Variants in CHERP observed in about 807,000 individuals in gnomAD.
The protein encoded by CHERP is calcium homeostasis endoplasmic reticulum protein, also known as ERPROT 213-21.
In CHERP, 8 loss-of-function variants were observed where a neutral mutation model predicts 113.8. That is an observed-to-expected ratio of 0.07 (90% CI 0.04 to 0.13). The LOEUF (loss-of-function observed/expected upper bound fraction) is 0.13. Among genes scored for constraint, CHERP ranks in the 10% least tolerant of loss-of-function variants. CHERP has a pLI of 1.00. For synonymous variants in CHERP, 559 were observed against 524.5 expected (o/e 1.07, Z -0.90); for missense variants, 884 against 1,298.2 (o/e 0.68, Z 4.90).
Position 16,519,885 on chromosome 19 carries a change from G to A in CHERP, c.2463-170C>T, listed in dbSNP as rs1183013051. The A allele has an allele frequency of 1.2e-5, 8 of 686,108 alleles. No homozygotes were observed. The highest frequency in any genetic ancestry group is 1.8e-5 in the African/African-American group (1 of 56,244). The allele number at this position is 686,108 out of a possible 1,614,324, so 42.5% of individuals were successfully genotyped here. ...TTATCCTGTCTCAGCTAGATAAGGG[G>A]GCTCCAGACGCTGGCCCCCACCCCA... On this transcript the variant is annotated intron_variant, in intron 15 of 16. Coordinates refer to ENST00000546361, the MANE Select transcript of CHERP (RefSeq NM_006387.6). The surrounding 1 kb of genome is among the most constrained non-coding windows in gnomAD (Gnocchi z 6.0).
At chr19:16,521,473 A>T in intron 12 of CHERP, 48 bp downstream of exon 12, 1 of 1,485,044 alleles carries the variant, frequency 6.7e-7, no homozygotes, top group South Asian at 1.3e-5. Context: ...GGGAGCCGGG[A>T]GAGGGGACAG....
At position 16,535,726 on chromosome 19, in the gene CHERP, C is replaced by T; in HGVS notation, c.200-90G>A. 1 of 1,262,780 alleles carries T rather than the reference C, an allele frequency of 7.9e-7. No homozygotes were observed. The highest frequency in any genetic ancestry group is 1.5e-5 in the South Asian group (1 of 64,768). 78.2% of individuals were successfully genotyped at this position (1,262,780 alleles called of 1,614,324 possible). Reference sequence around the variant, plus strand: ...CACCTCTCAGCCACAGGGGCCTCCCCCTCCCCAGGGACTCACCATCCACGA... The same window carrying T: ...CACCTCTCAGCCACAGGGGCCTCCCTCTCCCCAGGGACTCACCATCCACGA... On this transcript the variant is annotated intron_variant, in intron 2 of 16. Transcript: ENST00000546361. The surrounding 1 kb of genome is among the most constrained non-coding windows in gnomAD (Gnocchi z 4.3).
In CHERP at chr19:16,519,089, T is replaced by C; in HGVS notation, c.*70A>G. 2.9e-6 allele frequency: 4 copies of C among 1,396,972 alleles called. No homozygotes were observed. Among genetic ancestry groups the C allele is most frequent in the Non-Finnish European group, 3.9e-6 (4 of 1,014,022 alleles). The allele number at this position is 1,396,972 out of a possible 1,614,324, so 86.5% of individuals were successfully genotyped here. ...AACTGAGCTGTCACTGCAATCTTCC[T>C]CTGCCAGTCAGCCAGGAAGGTCCCA... On this transcript the variant is annotated 3_prime_UTR_variant, in exon 17 of 17. Transcript: ENST00000546361. This position sits in a 1 kb window ranked among gnomAD's most constrained non-coding sequence, Gnocchi z 6.0.
rs1162957386 is a variant in CHERP, at chr19:16,520,712, C to G, written c.2201+114G>C. 2.5e-6 allele frequency: 3 copies of G among 1,217,812 alleles called. No homozygotes were observed. In the East Asian group the frequency reaches 7.0e-5, roughly 28 times the overall value. The allele number at this position is 1,217,812 out of a possible 1,614,324, so 75.4% of individuals were successfully genotyped here. A position where few individuals can be genotyped will look rare whatever the true frequency, so the allele number is the denominator to read the frequency against. On this transcript the variant is annotated intron_variant, in intron 13 of 16. Transcript: ENST00000546361. This position sits in a 1 kb window ranked among gnomAD's most constrained non-coding sequence, Gnocchi z 4.0. ...TCAGGCCTTGTGGAAAACACCGCCC[C>G]ATAGGCACAGGCTGTGTGAGGGTGG...
chr19:16,534,938 T>G (rs574075557), intron 3 of CHERP, among the ~76,000 whole-genome samples: 1 of 151,954 alleles, frequency 6.6e-6, no homozygotes, highest in East Asian at 1.9e-4. Context: ...TAGCCGGGTG[T>G]GGTGGTGCAT....
At chr19:16,527,425 T>C (rs867168597) in intron 9 of CHERP, among the ~76,000 whole-genome samples, 1 of 152,192 alleles carries the variant, frequency 6.6e-6, no homozygotes, top group Non-Finnish European at 1.5e-5. Flanking sequence ...TTGCCATCCT[T>C]ACACCTGTCC....
chr19:16,528,875 C>T (rs1283248168), intron 8 of CHERP, among the ~76,000 whole-genome samples: 4 of 152,170 alleles, frequency 2.6e-5, no homozygotes, highest in Non-Finnish European at 4.4e-5. Context: ...ATGGCGTGAA[C>T]CCAGGAAGCG....
chr19:16,520,304 C>CGTCG lies in CHERP; in HGVS notation c.2346-43_2346-40dup, dbSNP rs753523448. ...TGCCCAAGGGTCAGCAGCAGCCAGG[C>CGTCG]GTCGTGGGGAGGCCACAGGAAGAGG... On this transcript the variant is annotated intron_variant, in intron 14 of 16. Transcript: ENST00000546361. The surrounding 1 kb of genome is among the most constrained non-coding windows in gnomAD (Gnocchi z 4.0). 8 of 1,610,964 alleles carry CGTCG rather than the reference C, an allele frequency of 5.0e-6. No individual in the cohort carries two copies. In the Admixed American group the frequency reaches 1.3e-4, roughly 27 times the overall value.
intron 9 of CHERP, among the ~76,000 whole-genome samples, chr19:16,526,545 G>A (rs1032648076): frequency 5.3e-5 from 8 of 151,956 alleles, no homozygotes; most frequent in African/African-American, 1.7e-4. Context: ...TTGGCTCACT[G>A]CAACTTCCAC....
intron 2 of CHERP, 162 bp downstream of exon 2, chr19:16,541,708 T>C: frequency 2.9e-6 from 2 of 699,660 alleles, no homozygotes; most frequent in South Asian, 4.2e-5. Context: ...GCAGCCGCTC[T>C]GTGCAGGGCC....
chr19:16,521,358 G>A (rs543177466), intron 12 of CHERP, 163 bp downstream of exon 12: 75 of 626,838 alleles, frequency 1.2e-4, no homozygotes, highest in Middle Eastern at 8.8e-4. Context: ...TGAGGGCCAC[G>A]TGTGTGCTGT....
Position 16,530,288 on chromosome 19 carries a change from T to G in CHERP, c.876+297A>C, listed in dbSNP as rs1243607098. The stretch of plus-strand genomic sequence containing the variant: ...CCACAGCCTAAGCCACGTCTGGGCT[T>G]CCTCATGCTTCCACCACACCGGAAC... On this transcript the variant is annotated intron_variant, in intron 7 of 16. Transcript: ENST00000546361. This position sits in a 1 kb window ranked among gnomAD's most constrained non-coding sequence, Gnocchi z 4.1. Among the ~76,000 whole-genome samples the G allele has an allele frequency of 1.3e-5, 2 of 152,174 alleles. No homozygotes were observed. Among genetic ancestry groups the G allele is most frequent in the Non-Finnish European group, 2.9e-5 (2 of 68,022 alleles).
chr19:16,528,621 T>G (rs1226771445), intron 8 of CHERP, among the ~76,000 whole-genome samples: 1 of 152,226 alleles, frequency 6.6e-6, no homozygotes, highest in African/African-American at 2.4e-5. Context: ...ATCCTCATAT[T>G]CCTACAACAA....
In CHERP at chr19:16,528,142, G is replaced by T; in HGVS notation, c.1243C>A (p.Pro415Thr). 2 of 1,613,758 alleles carry T rather than the reference G, an allele frequency of 1.2e-6. No homozygotes were observed. The highest frequency in any genetic ancestry group is 1.7e-5 in the Admixed American group (1 of 60,008). Residue 415 changes from proline (P) to threonine (T), a missense_variant, in exon 9 of 17, where the codon CCA becomes ACA. By Grantham distance (38) the Pro-to-Thr change is conservative. This residue lies in a region of CHERP where 464 missense variants were observed against 590.1 expected (regional missense o/e 0.79). Coordinates refer to ENST00000546361, the MANE Select transcript of CHERP (RefSeq NM_006387.6). ...TCAAACCAAGGGGGCTTGTTTGGTGGGATCTGGTCGTGTGGCCCGGGGCCC... is the reference window on the plus strand; with the variant it reads ...TCAAACCAAGGGGGCTTGTTTGGTGTGATCTGGTCGTGTGGCCCGGGGCCC... Reference protein sequence around the residue: ...PRGPGPHDQIPPNKPPWFDQP... With the variant: ...PRGPGPHDQITPNKPPWFDQP...
intron 9 of CHERP, among the ~76,000 whole-genome samples, chr19:16,526,962 T>C (rs915156131): frequency 3.3e-5 from 5 of 152,224 alleles, no homozygotes; most frequent in Non-Finnish European, 5.9e-5. Context: ...TCTTGCCTTG[T>C]TGCCCAGGCT....
chr19:16,534,739 G>C (rs747843862), intron 3 of CHERP, among the ~76,000 whole-genome samples: 5 of 152,118 alleles, frequency 3.3e-5, no homozygotes, highest in Non-Finnish European at 5.9e-5. Context: ...CTCCCAAAGT[G>C]CTGGGATTAC....
chr19:16,520,343 CCT>C lies in CHERP; in HGVS notation c.2345+19_2345+20del, dbSNP rs759199259. The C allele has an allele frequency of 2.1e-5, 34 of 1,611,852 alleles. No homozygotes were observed. In the East Asian group the frequency reaches 4.2e-4, roughly 20 times the overall value. ...CACAGGAAGAGGCCTCAGGCACTGC[CCT>C]GAGGCAGCCTCTGCCTACCTAGATC... On this transcript the variant is annotated intron_variant, in intron 14 of 16. Coordinates refer to ENST00000546361, the MANE Select transcript of CHERP (RefSeq NM_006387.6). The surrounding 1 kb of genome is among the most constrained non-coding windows in gnomAD (Gnocchi z 4.0).
rs370431070 is a variant in CHERP, at chr19:16,533,068, G to C, written c.465C>G (p.Asn155Lys). Residue 155 changes from asparagine to lysine, a missense_variant, in exon 4 of 17, where the codon AAC becomes AAG. Transcript: ENST00000546361. The part of the protein sequence containing the change: ...KLLEETQLDM[N>K]EFDNLLQPII... ...TGGGCTGCAGGAGGTTGTCAAACTC[G>C]TTCATGTCTAGCTGGGTCTCCTCCA... 6.3e-7 allele frequency: 1 copy of C among 1,576,918 alleles called. No individual in the cohort carries two copies. The highest frequency in any genetic ancestry group is 2.3e-5 in the East Asian group (1 of 43,396).
chr19:16,540,650 GGC>G (rs771819971), intron 2 of CHERP, among the ~76,000 whole-genome samples: 1 of 151,642 alleles, frequency 6.6e-6, no homozygotes, highest in Non-Finnish European at 1.5e-5. Context: ...TGGGATTACA[GGC>G]GTCAGCCACT....
Sources: allele counts gnomAD v4.1 joint callset (sites outside exome capture counted in the v4.1 genomes callset), GRCh38; gene constraint gnomAD v4.1.1; regional missense constraint gnomAD v4.1.1; non-coding constraint Gnocchi (gnomAD v3.1); transcripts MANE v1.5; gene names NCBI Gene and HGNC (gene_info 2026-07-23, HGNC 2026-07-21).